FAM13A: variants seen among roughly 807,000 people sequenced by gnomAD.
FAM13A encodes the protein family with sequence similarity 13 member A.
A neutral mutation model predicts 129.6 loss-of-function variants in FAM13A; 76 were observed. The ratio of observed to expected loss-of-function variants is 0.59; its 90% CI spans 0.49 to 0.71. The LOEUF is 0.71. Ranked by LOEUF, FAM13A falls within the 30% of genes least tolerant of loss-of-function variation. FAM13A has a pLI of 0.00. For missense variants in FAM13A, 1,108 were observed against 1,249.3 expected, an observed-to-expected ratio of 0.89 and a Z score of 1.70; for synonymous variants, 443 against 449.9, an observed-to-expected ratio of 0.98 and a Z score of 0.20.
chr4:88,900,752 T>C (rs1204052481), intron 6 of FAM13A, among the ~76,000 whole-genome samples: 3 of 152,086 alleles, frequency 2.0e-5, no homozygotes, highest in Non-Finnish European at 4.4e-5. Flanking sequence ...GTCTGTAAAA[T>C]AAGCAGCTGG....
intron 11 of FAM13A, among the ~76,000 whole-genome samples, chr4:88,774,159 G>A (rs1017610666): frequency 6.6e-6 from 1 of 152,032 alleles, no homozygotes; most frequent in African/African-American, 2.4e-5. Context: ...ACCTCCTTCA[G>A]GCCTCTGTGC....
intron 1 of FAM13A, among the ~76,000 whole-genome samples, chr4:89,046,024 CAAAAAAA>C (rs34619235): frequency 9.7e-6 from 1 of 103,476 alleles, no homozygotes; most frequent in South Asian, 2.8e-4. Flanking sequence ...AACTCCATCT[CAAAAAAA>C]AAAAAAAAGA....
intron 4 of FAM13A, among the ~76,000 whole-genome samples, chr4:88,970,133 A>G (rs1026111403): frequency 2.6e-5 from 4 of 152,196 alleles, no homozygotes; most frequent in African/African-American, 9.6e-5. Context: ...AGTTACTAGA[A>G]TTTTAGCACT....
At chr4:88,761,977 G>A (rs926481084) in intron 13 of FAM13A, among the ~76,000 whole-genome samples, 2 of 152,036 alleles carry the variant, frequency 1.3e-5, no homozygotes, top group Admixed American at 6.5e-5. Flanking sequence ...AAAAATAAAG[G>A]GGTATAAAAA....
chr4:89,054,927 C>G (rs1203284811), intron 1 of FAM13A, among the ~76,000 whole-genome samples: 2 of 152,142 alleles, frequency 1.3e-5, no homozygotes, highest in African/African-American at 2.4e-5. Context: ...TATTTACTAC[C>G]TCTCTAAAAT....
chr4:88,979,391 C>T (rs1761350488), intron 4 of FAM13A, among the ~76,000 whole-genome samples: 1 of 152,152 alleles, frequency 6.6e-6, no homozygotes, highest in African/African-American at 2.4e-5. Context: ...ATAGTTCCTG[C>T]AATGCTGTTT....
chr4:89,040,448 G>A (rs1186658691), intron 1 of FAM13A, among the ~76,000 whole-genome samples: 1 of 152,130 alleles, frequency 6.6e-6, no homozygotes, highest in East Asian at 1.9e-4. Flanking sequence ...GACAGCATAA[G>A]AGGAAAAGGA....
chr4:89,023,622 A>C (rs1038719512), intron 2 of FAM13A, among the ~76,000 whole-genome samples: 2 of 152,172 alleles, frequency 1.3e-5, no homozygotes, highest in Non-Finnish European at 2.9e-5. Context: ...TACAAATAGA[A>C]GTGACTGAAT....
intron 5 of FAM13A, among the ~76,000 whole-genome samples, chr4:88,928,880 GTTTCTT>G (rs753431679): frequency 6.6e-6 from 1 of 151,786 alleles, no homozygotes; most frequent in Non-Finnish European, 1.5e-5. Context: ...TAAATTCTTT[GTTTCTT>G]TTTCTCTAAT....
chr4:88,969,554 T>G (rs1759799878), intron 4 of FAM13A, among the ~76,000 whole-genome samples: 1 of 152,242 alleles, frequency 6.6e-6, no homozygotes, highest in South Asian at 2.1e-4. Context: ...TTCCTATCAT[T>G]TTCCAAAACC....
chr4:88,767,098 T>C (rs957182952), intron 13 of FAM13A, among the ~76,000 whole-genome samples: 1 of 152,192 alleles, frequency 6.6e-6, no homozygotes, highest in African/African-American at 2.4e-5. Flanking sequence ...TCTTCTCCAA[T>C]GTTTATTTAA....
At chr4:88,957,600 A>G (rs1757956798) in intron 4 of FAM13A, among the ~76,000 whole-genome samples, 1 of 152,232 alleles carries the variant, frequency 6.6e-6, no homozygotes, top group African/African-American at 2.4e-5. Flanking sequence ...GAAAATGTGG[A>G]AGTGACTTTG....
At chr4:88,747,581 C>T (rs1364357913) in intron 18 of FAM13A, 50 bp downstream of exon 18, 37 of 1,475,044 alleles carry the variant, frequency 2.5e-5, no homozygotes, top group Non-Finnish European at 3.4e-5. Context: ...GTGTCTCTAC[C>T]ACATTGACTG....
At chr4:88,968,625 CA>C (rs1196679841) in intron 4 of FAM13A, among the ~76,000 whole-genome samples, 1 of 152,112 alleles carries the variant, frequency 6.6e-6, no homozygotes, top group Non-Finnish European at 1.5e-5. Flanking sequence ...CAATAATTTC[CA>C]AAAGTGTTTT....
At chr4:88,762,945 A>C (rs1307740693) in intron 13 of FAM13A, among the ~76,000 whole-genome samples, 2 of 152,188 alleles carry the variant, frequency 1.3e-5, no homozygotes, top group Admixed American at 6.5e-5. Flanking sequence ...TCATACACTA[A>C]ACATTGTCAA....
Position 88,732,144 on chromosome 4 carries a change from T to C in FAM13A, c.2701A>G (p.Thr901Ala). 6.2e-7 allele frequency: 1 copy of C among 1,613,646 alleles called. No homozygotes were observed. Among genetic ancestry groups the C allele is most frequent in the Non-Finnish European group, 8.5e-7 (1 of 1,179,724 alleles). The change falls in exon 22 of 24, where the codon ACT becomes GCT. Residue 901 changes from threonine to alanine, a missense_variant. Around this residue, in one of 3 missense-constraint regions of FAM13A, gnomAD observed 529 missense variants for 621.2 expected, o/e 0.85. Transcript: ENST00000264344. ...DSNVKPDFMV[T>A]LKTDFSARCF... is the part of the protein sequence containing the mutation. Reference sequence around the variant, plus strand: ...CGTGCACTGAAATCGGTTTTCAGAGTGACCATGAAGTCTGGCTTCACATTG... The same window carrying C: ...CGTGCACTGAAATCGGTTTTCAGAGCGACCATGAAGTCTGGCTTCACATTG...
At chr4:88,811,656 A>G (rs572260135) in intron 7 of FAM13A, among the ~76,000 whole-genome samples, 2 of 152,096 alleles carry the variant, frequency 1.3e-5, no homozygotes, top group Non-Finnish European at 2.9e-5. Context: ...CTCTTTCTAC[A>G]GCTAGAAGGT....
chr4:88,918,130 T>A (rs771480554), intron 5 of FAM13A, among the ~76,000 whole-genome samples: 11 of 152,250 alleles, frequency 7.2e-5, no homozygotes, highest in Non-Finnish European at 1.5e-4. Context: ...TGGTTTTTGT[T>A]GTTTTCAACT....
chr4:88,761,703 T>C (rs1346048922), intron 13 of FAM13A, among the ~76,000 whole-genome samples: 1 of 152,144 alleles, frequency 6.6e-6, no homozygotes, highest in Non-Finnish European at 1.5e-5. Context: ...GATGCTGGAC[T>C]GTGAAAGGCC....
Sources: gnomAD v4.1 joint callset for allele counts (sites outside exome capture counted in the v4.1 genomes callset) on GRCh38, gnomAD v4.1.1 for gene constraint, gnomAD v4.1.1 regional missense constraint, MANE v1.5 for transcripts, NCBI Gene and HGNC (gene_info 2026-07-23, HGNC 2026-07-21) for gene names.